The following ZNF385D variants were observed in gnomAD, a reference collection of about 807,000 sequenced individuals.
ZNF385D encodes the protein zinc finger protein 659.
Under a neutral mutation model 35.8 loss-of-function variants are expected in ZNF385D, and 15 were observed. That is an observed-to-expected ratio of 0.42 (90% CI 0.28 to 0.64). The LOEUF (loss-of-function observed/expected upper bound fraction) is 0.64. Ranked by LOEUF, ZNF385D falls within the 30% of genes least tolerant of loss-of-function variation. The probability of loss-of-function intolerance (pLI) is 0.23; values close to 1 mark genes in which losing one functional copy is unlikely to be tolerated. For synonymous variants in ZNF385D, 212 were observed against 186.8 expected (o/e 1.13, Z -1.10); for missense variants, 474 against 494.6 (o/e 0.96, Z 0.39).
At chr3:22,094,397 T>TATATAAACAATATATATTGTTG (rs1701503482) in intron 3 of ZNF385D, among the ~76,000 whole-genome samples, 26 of 125,184 alleles carry the variant, frequency 2.1e-4, no homozygotes, top group Non-Finnish European at 4.3e-4. Context: ...TATATATATA[T>TATATAAACAATATATATTGTTG]ATATATATAT....
At chr3:22,006,854 C>T (rs567800830) in intron 3 of ZNF385D, among the ~76,000 whole-genome samples, 2 of 151,650 alleles carry the variant, frequency 1.3e-5, no homozygotes, top group Admixed American at 1.3e-4. Context: ...GAAACTGATA[C>T]AAAACCAACA....
At chr3:21,599,159 A>T (rs955734630) in intron 2 of ZNF385D, among the ~76,000 whole-genome samples, 1 of 152,220 alleles carries the variant, frequency 6.6e-6, no homozygotes, top group East Asian at 1.9e-4. Context: ...TTACAGACTG[A>T]CATCCAGTCC....
chr3:22,328,925 A>G (rs911791259), intron 2 of ZNF385D, among the ~76,000 whole-genome samples: 1 of 151,720 alleles, frequency 6.6e-6, no homozygotes, highest in Non-Finnish European at 1.5e-5. Flanking sequence ...AATACAAAAA[A>G]AATTAGCTGG....
At chr3:21,829,526 T>C (rs4858365) in intron 3 of ZNF385D, among the ~76,000 whole-genome samples, 10,869 of 152,090 alleles carry the variant, frequency 0.071, 641 homozygotes, top group East Asian at 0.28. Context: ...GCTTGAATTT[T>C]ATCCAAATTA....
chr3:21,710,266 A>G (rs2068051979), intron 1 of ZNF385D, among the ~76,000 whole-genome samples: 1 of 152,220 alleles, frequency 6.6e-6, no homozygotes, highest in Non-Finnish European at 1.5e-5. Flanking sequence ...AGGACTAAAG[A>G]TCAAAAGGAG....
At chr3:21,888,686 G>A (rs1698681395) in intron 3 of ZNF385D, among the ~76,000 whole-genome samples, 1 of 152,204 alleles carries the variant, frequency 6.6e-6, no homozygotes, top group African/African-American at 2.4e-5. Flanking sequence ...GGCAAGTAGA[G>A]GGTAGAGGAG....
Position 21,436,998 on chromosome 3 carries a change from A to G in ZNF385D, c.645T>C (p.Ser215=). 1.2e-6 allele frequency: 2 copies of G among 1,613,962 alleles called. No individual in the cohort carries two copies. The highest frequency in any genetic ancestry group is 1.7e-6 in the Non-Finnish European group (2 of 1,179,866). Residue 215 remains serine, a synonymous_variant, in exon 5 of 8, where the codon TCT becomes TCC. Transcript: ENST00000281523. ...TGTTGTGCGCCTCCAGCTGCGAGGC[A>G]GAGTTGACAGCAACCTTGCATAGCG... The part of the protein sequence containing the change: ...YCSLCKVAVN[S]ASQLEAHNSG...
At chr3:22,110,599 G>A (rs1702468867) in intron 3 of ZNF385D, among the ~76,000 whole-genome samples, 1 of 151,836 alleles carries the variant, frequency 6.6e-6, no homozygotes, top group Admixed American at 6.6e-5. Flanking sequence ...GAGAACACAT[G>A]GACACAGGAA....
intron 2 of ZNF385D, among the ~76,000 whole-genome samples, chr3:22,264,642 T>C (rs1209935575): frequency 6.6e-6 from 1 of 151,990 alleles, no homozygotes; most frequent in African/African-American, 2.4e-5. Context: ...ATTTACTTAA[T>C]ATGGGTCTCC....
chr3:21,750,552 A>G (rs1471788047), intron 1 of ZNF385D, among the ~76,000 whole-genome samples: 1 of 152,174 alleles, frequency 6.6e-6, no homozygotes, highest in East Asian at 1.9e-4. Context: ...TTCACATTCC[A>G]TTAAGTTAGC....
At chr3:21,523,231 G>A (rs143141661) in intron 3 of ZNF385D, among the ~76,000 whole-genome samples, 5 of 152,264 alleles carry the variant, frequency 3.3e-5, no homozygotes, top group African/African-American at 4.8e-5. Context: ...TTTATAGATC[G>A]GTGGATTGAG....
intron 2 of ZNF385D, among the ~76,000 whole-genome samples, chr3:22,304,056 G>T (rs528055350): frequency 6.6e-6 from 1 of 152,126 alleles, no homozygotes; most frequent in South Asian, 2.1e-4. Context: ...GATTACAGGC[G>T]TGAGTCACCA....
At chr3:21,611,156 A>G (rs1161232962) in intron 2 of ZNF385D, among the ~76,000 whole-genome samples, 1 of 152,256 alleles carries the variant, frequency 6.6e-6, no homozygotes, top group Non-Finnish European at 1.5e-5. Flanking sequence ...CCTTTGCAGT[A>G]CTATTCACTA....
intron 3 of ZNF385D, among the ~76,000 whole-genome samples, chr3:22,109,716 G>A (rs1057042214): frequency 4.6e-5 from 7 of 152,096 alleles, no homozygotes; most frequent in African/African-American, 1.7e-4. Context: ...GTTCAACTCT[G>A]GGCAAGGACT....
At chr3:21,590,364 A>G (rs987806138) in intron 2 of ZNF385D, among the ~76,000 whole-genome samples, 1 of 152,212 alleles carries the variant, frequency 6.6e-6, no homozygotes, top group African/African-American at 2.4e-5. Flanking sequence ...AATTATTTTA[A>G]AAGTGAAAGA....
chr3:22,091,399 T>C (rs1391024799), intron 3 of ZNF385D, among the ~76,000 whole-genome samples: 2 of 152,152 alleles, frequency 1.3e-5, no homozygotes, highest in Non-Finnish European at 2.9e-5. Flanking sequence ...TAACAGGCTC[T>C]GGGGTAACAG....
At chr3:21,454,644 G>A (rs1405157286) in intron 4 of ZNF385D, among the ~76,000 whole-genome samples, 4 of 152,114 alleles carry the variant, frequency 2.6e-5, no homozygotes, top group African/African-American at 9.7e-5. Context: ...TACTGAATGG[G>A]CAAAACTGGA....
At chr3:22,214,893 G>A (rs1446604700) in intron 2 of ZNF385D, among the ~76,000 whole-genome samples, 10 of 151,066 alleles carry the variant, frequency 6.6e-5, no homozygotes, top group South Asian at 4.2e-4. Context: ...TGTGAAGCAC[G>A]TGATGTCTGT....
chr3:21,679,966 T>G (rs2066849467), intron 1 of ZNF385D, among the ~76,000 whole-genome samples: 1 of 152,120 alleles, frequency 6.6e-6, no homozygotes, highest in Non-Finnish European at 1.5e-5. Context: ...AAATATTGTA[T>G]GAGAGAGACT....
Sources: gnomAD v4.1 joint callset for allele counts (sites outside exome capture counted in the v4.1 genomes callset) on GRCh38, gnomAD v4.1.1 for gene constraint, MANE v1.5 for transcripts, NCBI Gene and HGNC (gene_info 2026-07-23, HGNC 2026-07-21) for gene names.